Variants in C5 observed in about 807,000 individuals in gnomAD.
C5 encodes C3 and PZP-like alpha-2-macroglobulin domain-containing protein 4.
A neutral mutation model predicts 218.8 loss-of-function variants in C5; 140 were observed. That is an observed-to-expected ratio of 0.64 (90% CI 0.56 to 0.74). The LOEUF is 0.74. Ranked by LOEUF, C5 falls within the 30% of genes least tolerant of loss-of-function variation. The pLI is 0.00. For missense variants in C5, 1,700 were observed against 1,969.6 expected (o/e 0.86, Z 2.59); for synonymous variants, 614 against 682.3 (o/e 0.90, Z 1.56).
chr9:121,035,153 T>C (rs1050771926), intron 4 of C5, among the ~76,000 whole-genome samples: 1 of 152,180 alleles, frequency 6.6e-6, no homozygotes, highest in Non-Finnish European at 1.5e-5. Flanking sequence ...CAACTCTCGT[T>C]GTACATCTAA....
the C5 span, among the ~76,000 whole-genome samples, chr9:121,071,450 T>C: frequency 6.6e-6 from 1 of 152,018 alleles, no homozygotes; most frequent in African/African-American, 2.4e-5. Context: ...TTTGGGAGGT[T>C]GAGGTGGGAG....
At chr9:121,043,231 T>A in intron 2 of C5, 65 bp from the exon 3 acceptor site, 1 of 1,232,648 alleles carries the variant, frequency 8.1e-7, no homozygotes, top group Non-Finnish European at 1.2e-6. Flanking sequence ...ATTAACTTTC[T>A]AAATACAACT....
intron 22 of C5, among the ~76,000 whole-genome samples, chr9:120,992,340 A>G (rs1185897656): frequency 6.6e-6 from 1 of 152,254 alleles, no homozygotes; most frequent in Non-Finnish European, 1.5e-5. Flanking sequence ...AAAGAGCATG[A>G]AGTTCAAAAA....
the C5 span, among the ~76,000 whole-genome samples, chr9:121,066,862 G>GAAAA: frequency 2.1e-4 from 29 of 134,986 alleles, 1 homozygote; most frequent in African/African-American, 7.9e-4. Flanking sequence ...CTCAAAAAAA[G>GAAAA]AAAAAAAAAA....
chr9:121,067,604 T>C, the C5 span, among the ~76,000 whole-genome samples: 26 of 151,744 alleles, frequency 1.7e-4, no homozygotes, highest in African/African-American at 5.6e-4. Context: ...CCTCAACATT[T>C]GAAACATATG....
At chr9:121,052,168 C>A (rs2047675177), upstream of C5, among the ~76,000 whole-genome samples, 1 of 151,986 alleles carries the variant, frequency 6.6e-6, no homozygotes, top group Non-Finnish European at 1.5e-5. Context: ...CACAGATGAA[C>A]TTTTGAGGCT....
At chr9:120,970,131 T>C in intron 32 of C5, 39 bp downstream of exon 32, 1 of 1,423,836 alleles carries the variant, frequency 7.0e-7, no homozygotes, top group Non-Finnish European at 9.9e-7. Flanking sequence ...CATGCTTTAT[T>C]TTTAGCCAAA....
chr9:121,001,909 A>C (rs1004940275), intron 20 of C5, among the ~76,000 whole-genome samples: 3 of 152,094 alleles, frequency 2.0e-5, no homozygotes, highest in Non-Finnish European at 4.4e-5. Context: ...ATATGTATGC[A>C]TAAATGCAGA....
At position 121,021,608 on chromosome 9, in the gene C5, T is replaced by A. The variant is rs1265707128; in HGVS notation, c.1203A>T (p.Thr401=). 1.2e-6 allele frequency: 2 copies of A among 1,613,818 alleles called. No individual in the cohort carries two copies. Among genetic ancestry groups the A allele is most frequent in the Non-Finnish European group, 1.7e-6 (2 of 1,179,742 alleles). Reference sequence around the variant, plus strand: ...CACTTTTGCTTGGATCCAAGTCAGATGTCTCTTGGTTTACATCAATTGTTT... The same window carrying A: ...CACTTTTGCTTGGATCCAAGTCAGAAGTCTCTTGGTTTACATCAATTGTTT... ...NAQTIDVNQE[T]SDLDPSKSVT... is the part of the protein sequence containing the mutation. Residue 401 remains threonine, a synonymous_variant, in exon 11 of 41, where the codon ACA becomes ACT. Transcript: ENST00000223642.
Position 120,970,265 on chromosome 9 carries a change from A to G in C5, c.4081-14T>C. ...TACAGTTGTTACCTACATTGGGGACAAGTAAGCAAGAAGATTCTATTTAAA... is the reference window on the plus strand; with the variant it reads ...TACAGTTGTTACCTACATTGGGGACGAGTAAGCAAGAAGATTCTATTTAAA... On this transcript the variant is annotated splice_polypyrimidine_tract_variant and intron_variant, in intron 31 of 40. Transcript: ENST00000223642. The G allele has an allele frequency of 1.3e-6, 2 of 1,562,848 alleles. No individual in the cohort carries two copies. The highest frequency in any genetic ancestry group is 1.8e-6 in the Non-Finnish European group (2 of 1,133,656).
chr9:120,953,970 A>G, intron 39 of C5, 102 bp from the exon 40 acceptor site: 2 of 1,206,144 alleles, frequency 1.7e-6, no homozygotes, highest in Admixed American at 1.7e-5. Context: ...TGAGAGGTTC[A>G]TGGCTAGTGG....
chr9:120,990,384 G>A (rs1001772933), intron 23 of C5, among the ~76,000 whole-genome samples: 9 of 152,198 alleles, frequency 5.9e-5, no homozygotes, highest in African/African-American at 9.6e-5. Flanking sequence ...TTCTGCAAAT[G>A]TATGCGAGGG....
chr9:121,074,827 T>C, the C5 span: 1 of 455,934 alleles, frequency 2.2e-6, no homozygotes, highest in South Asian at 1.5e-5. Flanking sequence ...CGCCCAAGAC[T>C]CCCCGGCATC....
At chr9:121,067,823 C>T in the C5 span, among the ~76,000 whole-genome samples, 13 of 152,114 alleles carry the variant, frequency 8.5e-5, no homozygotes, top group Admixed American at 7.9e-4. Context: ...ATGTGCCTTG[C>T]TTCCCCTTTG....
intron 33 of C5, among the ~76,000 whole-genome samples, chr9:120,964,091 G>C (rs760668385): frequency 6.6e-6 from 1 of 152,162 alleles, no homozygotes; most frequent in Non-Finnish European, 1.5e-5. Context: ...GGATTCTCAC[G>C]TTAGTTCATT....
chr9:120,961,433 C>T (rs771908368), intron 37 of C5, 49 bp downstream of exon 37: 12 of 1,204,952 alleles, frequency 1.0e-5, no homozygotes, highest in East Asian at 9.3e-5. Context: ...AGGTTATGAA[C>T]GACTGCTTTA....
chr9:121,044,055 C>T (rs2047604117), intron 2 of C5, among the ~76,000 whole-genome samples: 1 of 152,152 alleles, frequency 6.6e-6, no homozygotes, highest in African/African-American at 2.4e-5. Context: ...CAAAAACCAA[C>T]TGCTGTAGAA....
intron 1 of C5, among the ~76,000 whole-genome samples, chr9:121,048,598 T>C (rs571774573): frequency 2.0e-5 from 3 of 152,338 alleles, no homozygotes; most frequent in South Asian, 2.1e-4. Context: ...GTCTATGTGA[T>C]GGTAGCCGTC....
chr9:120,974,246 A>AT (rs2046935551), intron 30 of C5, among the ~76,000 whole-genome samples: 1 of 152,210 alleles, frequency 6.6e-6, no homozygotes, highest in Non-Finnish European at 1.5e-5. Flanking sequence ...AGCAAAGGAC[A>AT]TGGGGCAAGG....
Sources: gnomAD v4.1 joint callset for allele counts (sites outside exome capture counted in the v4.1 genomes callset) on GRCh38, gnomAD v4.1.1 for gene constraint, MANE v1.5 for transcripts, NCBI Gene and HGNC (gene_info 2026-07-23, HGNC 2026-07-21) for gene names.